Variants in MACROD2 observed in about 807,000 individuals in gnomAD.
The protein encoded by MACROD2 is ADP-ribose glycohydrolase MACROD2.
MACROD2 carries 36 observed loss-of-function variants against 70.4 expected under a neutral mutation model. The ratio of observed to expected loss-of-function variants is 0.51; its 90% CI spans 0.39 to 0.68. MACROD2 has a LOEUF of 0.68. MACROD2 is among the 30% of genes least tolerant of loss of function. The pLI is 0.00. For synonymous variants in MACROD2, 172 were observed against 178.8 expected (o/e 0.96, Z 0.30); for missense variants, 496 against 538.4 (o/e 0.92, Z 0.78).
intron 3 of MACROD2, among the ~76,000 whole-genome samples, chr20:14,430,295 C>T (rs918367430): frequency 3.9e-5 from 6 of 152,090 alleles, no homozygotes; most frequent in Admixed American, 3.9e-4. Context: ...GATTTTGCTT[C>T]CACATAGTGA....
At chr20:14,135,437 AT>A (rs2054782235) in intron 3 of MACROD2, among the ~76,000 whole-genome samples, 1 of 152,170 alleles carries the variant, frequency 6.6e-6, no homozygotes, top group Non-Finnish European at 1.5e-5. Flanking sequence ...GAAGATTCAG[AT>A]AGGAGAATCA....
intron 8 of MACROD2, among the ~76,000 whole-genome samples, chr20:15,690,190 C>A (rs1320302355): frequency 1.3e-5 from 2 of 152,106 alleles, no homozygotes; most frequent in African/African-American, 4.8e-5. Context: ...GCAGCAACAC[C>A]ACAGGTGAAG....
At chr20:14,215,337 T>TATACACAC (rs1166198341) in intron 3 of MACROD2, among the ~76,000 whole-genome samples, 2 of 131,044 alleles carry the variant, frequency 1.5e-5, no homozygotes, top group Non-Finnish European at 3.2e-5. Context: ...CCATCATATA[T>TATACACAC]ACACACACAC....
chr20:15,424,857 T>C (rs1041542728), intron 6 of MACROD2, among the ~76,000 whole-genome samples: 1 of 152,258 alleles, frequency 6.6e-6, no homozygotes, highest in Non-Finnish European at 1.5e-5. Context: ...ATAGTTGTGA[T>C]GAAGCTTCTC....
chr20:15,169,204 A>T (rs1036652116), intron 5 of MACROD2, among the ~76,000 whole-genome samples: 6 of 152,206 alleles, frequency 3.9e-5, no homozygotes, highest in Admixed American at 3.3e-4. Flanking sequence ...GCTCAGGAAG[A>T]TGAACAAAAG....
chr20:14,968,959 C>T (rs1270661486), intron 5 of MACROD2, among the ~76,000 whole-genome samples: 1 of 152,142 alleles, frequency 6.6e-6, no homozygotes, highest in Non-Finnish European at 1.5e-5. Flanking sequence ...CTATGTATTA[C>T]TTTACCTCTT....
At chr20:14,757,539 G>T (rs1244530381) in intron 5 of MACROD2, 2 of 769,428 alleles carry the variant, frequency 2.6e-6, no homozygotes, top group Admixed American at 2.1e-5. Context: ...CTAGGCCCTG[G>T]CCCCGGACCC....
intron 4 of MACROD2, among the ~76,000 whole-genome samples, chr20:14,549,936 T>TC (rs1327216767): frequency 6.6e-6 from 1 of 151,968 alleles, no homozygotes; most frequent in Non-Finnish European, 1.5e-5. Flanking sequence ...TTACACCTTT[T>TC]TTTTTTTTTT....
chr20:15,302,858 G>A (rs2077660350), intron 6 of MACROD2, among the ~76,000 whole-genome samples: 1 of 152,120 alleles, frequency 6.6e-6, no homozygotes, highest in South Asian at 2.1e-4. Flanking sequence ...TAGAAATTGA[G>A]CATCTTTACA....
chr20:15,468,514 CA>C (rs2046924431), intron 7 of MACROD2, among the ~76,000 whole-genome samples: 1 of 152,016 alleles, frequency 6.6e-6, no homozygotes, highest in Non-Finnish European at 1.5e-5. Flanking sequence ...CAGTTTGACT[CA>C]AGAAAAAAAA....
chr20:15,273,818 A>G (rs1424641399), intron 6 of MACROD2, among the ~76,000 whole-genome samples: 3 of 152,148 alleles, frequency 2.0e-5, no homozygotes, highest in Non-Finnish European at 2.9e-5. Flanking sequence ...CTGTTTCCCC[A>G]TCTAATAACT....
At chr20:15,030,529 C>T (rs1441011970) in intron 5 of MACROD2, among the ~76,000 whole-genome samples, 1 of 152,180 alleles carries the variant, frequency 6.6e-6, no homozygotes, top group African/African-American at 2.4e-5. Context: ...CAGCAGTCAC[C>T]TGCCCAGCTG....
intron 5 of MACROD2, among the ~76,000 whole-genome samples, chr20:14,753,447 T>C (rs2071900949): frequency 6.6e-6 from 1 of 152,120 alleles, no homozygotes; most frequent in Non-Finnish European, 1.5e-5. Flanking sequence ...TATGTGTGCA[T>C]GCATGTATAT....
intron 3 of MACROD2, among the ~76,000 whole-genome samples, chr20:14,461,497 T>A (rs1434953949): frequency 6.6e-6 from 1 of 151,910 alleles, no homozygotes; most frequent in Admixed American, 6.6e-5. Context: ...GTTACTTCTC[T>A]AGGTCTTTTT....
chr20:14,016,184 G>A (rs765674226), intron 2 of MACROD2, among the ~76,000 whole-genome samples: 8 of 152,182 alleles, frequency 5.3e-5, no homozygotes, highest in Non-Finnish European at 1.2e-4. Context: ...TTGTGCTTTT[G>A]ATGAGCATCT....
At chr20:14,045,120 G>C (rs1601152818) in intron 2 of MACROD2, among the ~76,000 whole-genome samples, 1 of 152,234 alleles carries the variant, frequency 6.6e-6, no homozygotes, top group African/African-American at 2.4e-5. Flanking sequence ...ACTTCGGCTG[G>C]CCTGCAAGCG....
intron 6 of MACROD2, among the ~76,000 whole-genome samples, chr20:15,304,963 C>T (rs903547969): frequency 2.0e-5 from 3 of 152,238 alleles, no homozygotes; most frequent in Non-Finnish European, 4.4e-5. Context: ...CGTTTGCTTA[C>T]AACTCTGAGC....
chr20:15,971,205 G>T (rs2066225260), intron 13 of MACROD2, among the ~76,000 whole-genome samples: 1 of 152,064 alleles, frequency 6.6e-6, no homozygotes, highest in Non-Finnish European at 1.5e-5. Context: ...TACTTATTGT[G>T]CATTTTAAAA....
At chr20:14,383,469 T>C (rs1354543775) in intron 3 of MACROD2, among the ~76,000 whole-genome samples, 3 of 152,308 alleles carry the variant, frequency 2.0e-5, no homozygotes, top group Non-Finnish European at 2.9e-5. Flanking sequence ...CTGTCTTTCA[T>C]GTTAAATTGC....
Sources: allele counts gnomAD v4.1 joint callset (sites outside exome capture counted in the v4.1 genomes callset), GRCh38; gene constraint gnomAD v4.1.1; transcripts MANE v1.5; gene names NCBI Gene and HGNC (gene_info 2026-07-23, HGNC 2026-07-21).